Variants in PDS5B observed in about 807,000 individuals in gnomAD.
PDS5B encodes sister chromatid cohesion protein PDS5 homolog B.
A neutral mutation model predicts 184.1 loss-of-function variants in PDS5B; 51 were observed. The ratio of observed to expected loss-of-function variants is 0.28; its 90% CI spans 0.22 to 0.35. PDS5B has a LOEUF of 0.35. Among genes scored for constraint, PDS5B ranks in the 10% least tolerant of loss-of-function variants. PDS5B has a pLI of 1.00. For synonymous variants in PDS5B, 566 were observed against 569.2 expected (o/e 0.99, Z 0.08); for missense variants, 1,180 against 1,723.3 (o/e 0.68, Z 5.58).
intron 3 of PDS5B, among the ~76,000 whole-genome samples, chr13:32,654,368 G>T (rs1411087936): frequency 1.3e-5 from 2 of 152,094 alleles, no homozygotes; most frequent in African/African-American, 4.8e-5. Flanking sequence ...TCATGTTTAG[G>T]CAGTAATTGG....
At chr13:32,592,017 G>A (rs2057783488) in intron 1 of PDS5B, among the ~76,000 whole-genome samples, 1 of 152,178 alleles carries the variant, frequency 6.6e-6, no homozygotes, top group African/African-American at 2.4e-5. Context: ...AGGTAGAAGA[G>A]AAGCTGAAGC....
intron 1 of PDS5B, among the ~76,000 whole-genome samples, chr13:32,607,770 C>T (rs2058082423): frequency 6.6e-6 from 1 of 152,222 alleles, no homozygotes. Flanking sequence ...GCGAATGCCC[C>T]TCCCCCAGCC....
chr13:32,747,375 T>A (rs568033065), intron 24 of PDS5B, among the ~76,000 whole-genome samples: 108 of 152,230 alleles, frequency 7.1e-4, no homozygotes, highest in Non-Finnish European at 6.0e-4. Context: ...TGTATAACTC[T>A]CTAGACACAA....
chr13:32,710,313 GC>G (rs1226972760), intron 19 of PDS5B, among the ~76,000 whole-genome samples: 1 of 152,102 alleles, frequency 6.6e-6, no homozygotes, highest in Non-Finnish European at 1.5e-5. Context: ...GATAAACATG[GC>G]ATGTCTTTCT....
intron 1 of PDS5B, among the ~76,000 whole-genome samples, chr13:32,628,960 T>G (rs1402956642): frequency 6.6e-6 from 1 of 152,230 alleles, no homozygotes; most frequent in East Asian, 1.9e-4. Flanking sequence ...AGAGAAGTAT[T>G]GCTGGGTTGA....
At chr13:32,725,435 AC>A (rs1384432424) in intron 19 of PDS5B, among the ~76,000 whole-genome samples, 1 of 152,038 alleles carries the variant, frequency 6.6e-6, no homozygotes, top group Non-Finnish European at 1.5e-5. Flanking sequence ...ATCTTGTATG[AC>A]AGGATATTCC....
chr13:32,716,403 A>C (rs560133827), intron 19 of PDS5B, among the ~76,000 whole-genome samples: 86 of 148,524 alleles, frequency 5.8e-4, no homozygotes, highest in Middle Eastern at 3.5e-3. Context: ...CCGTTTGAGA[A>C]GTGAGGAGAC....
chr13:32,606,388 A>G (rs887563847), intron 1 of PDS5B, among the ~76,000 whole-genome samples: 4 of 152,166 alleles, frequency 2.6e-5, no homozygotes, highest in Non-Finnish European at 4.4e-5. Context: ...AATGTTGAAT[A>G]TTGGCCCCCA....
At chr13:32,613,937 A>G (rs941724614) in intron 1 of PDS5B, among the ~76,000 whole-genome samples, 4 of 152,206 alleles carry the variant, frequency 2.6e-5, no homozygotes, top group Admixed American at 1.3e-4. Context: ...AGGCATGCAC[A>G]TTCATTCTTT....
intron 19 of PDS5B, among the ~76,000 whole-genome samples, chr13:32,714,561 G>T (rs571801733): frequency 3.8e-4 from 58 of 152,222 alleles, no homozygotes; most frequent in African/African-American, 9.6e-4. Context: ...CACCTGGGGG[G>T]GCTGTTTATA....
chr13:32,706,626 T>C (rs1952027065), intron 17 of PDS5B, among the ~76,000 whole-genome samples: 1 of 152,216 alleles, frequency 6.6e-6, no homozygotes, highest in Non-Finnish European at 1.5e-5. Context: ...AAAAATAATT[T>C]GTCATTTATG....
chr13:32,717,010 A>T, intron 19 of PDS5B, among the ~76,000 whole-genome samples: 1 of 125,924 alleles, frequency 7.9e-6, no homozygotes. Context: ...CCCGTCCGGG[A>T]GGGAGGTGGG....
chr13:32,698,526 C>T (rs553527287), intron 15 of PDS5B, among the ~76,000 whole-genome samples: 1 of 152,200 alleles, frequency 6.6e-6, no homozygotes, highest in South Asian at 2.1e-4. Flanking sequence ...ATGTGGTTCT[C>T]TTTCCTTGCA....
Position 32,750,112 on chromosome 13 carries a change from A to G in PDS5B, c.2737-3220A>G, listed in dbSNP as rs181254206. On this transcript the variant is annotated intron_variant, in intron 24 of 34. Coordinates refer to ENST00000315596, the MANE Select transcript of PDS5B (RefSeq NM_015032.4). The stretch of plus-strand genomic sequence containing the variant: ...TATGTGTGTGTCATCATTCCTGTTA[A>G]TTTTCTCTTCTTCAGTTGTTATTTA... 2.8e-4 allele frequency among the ~76,000 whole-genome samples: 43 copies of G among 151,942 alleles called. 1 individual carries two copies. In the East Asian group the frequency reaches 7.8e-3, roughly 27 times the overall value.
At chr13:32,593,249 T>C (rs572287999) in intron 1 of PDS5B, among the ~76,000 whole-genome samples, 1 of 152,342 alleles carries the variant, frequency 6.6e-6, no homozygotes, top group African/African-American at 2.4e-5. Flanking sequence ...AGCTGACCCT[T>C]GAACAGCGAA....
At chr13:32,719,253 G>T (rs1952585070) in intron 19 of PDS5B, among the ~76,000 whole-genome samples, 1 of 152,084 alleles carries the variant, frequency 6.6e-6, no homozygotes, top group Non-Finnish European at 1.5e-5. Context: ...CTCAATCATG[G>T]CCCACTGCAG....
intron 3 of PDS5B, among the ~76,000 whole-genome samples, chr13:32,653,474 G>A (rs922643862): frequency 5.3e-5 from 8 of 152,092 alleles, no homozygotes; most frequent in Non-Finnish European, 1.2e-4. Flanking sequence ...CATGGTTCTT[G>A]GACTCATGGA....
At chr13:32,773,561 T>C (rs1352748722) in intron 34 of PDS5B, among the ~76,000 whole-genome samples, 2 of 152,208 alleles carry the variant, frequency 1.3e-5, no homozygotes, top group East Asian at 3.9e-4. Context: ...TACAGCATTC[T>C]AATATTGACA....
At chr13:32,672,134 T>C (rs976037507) in intron 7 of PDS5B, among the ~76,000 whole-genome samples, 3 of 152,176 alleles carry the variant, frequency 2.0e-5, no homozygotes, top group African/African-American at 7.2e-5. Flanking sequence ...CGTGTAGATA[T>C]GTACACATCA....
Sources: allele counts gnomAD v4.1 joint callset (sites outside exome capture counted in the v4.1 genomes callset), GRCh38; gene constraint gnomAD v4.1.1; transcripts MANE v1.5; gene names NCBI Gene and HGNC (gene_info 2026-07-23, HGNC 2026-07-21).